The following CD72 variants were observed in gnomAD, a reference collection of about 807,000 sequenced individuals.
CD72 encodes the protein B-cell differentiation antigen CD72.
CD72 carries 28 observed loss-of-function variants against 50.7 expected under a neutral mutation model. The observed-to-expected ratio is 0.55, with a 90% confidence interval of 0.41 to 0.76. The LOEUF is 0.76. CD72 is among the 30% of genes least tolerant of loss of function. The pLI, the probability that CD72 is intolerant of heterozygous loss-of-function variation, is 0.00. For missense variants in CD72, 403 were observed against 420.6 expected (o/e 0.96, Z 0.37); for synonymous variants, 176 against 171.2 (o/e 1.03, Z -0.22).
At chr9:35,628,781 G>A (rs577631869) in intron 1 of CD72, among the ~76,000 whole-genome samples, 1 of 152,338 alleles carries the variant, frequency 6.6e-6, no homozygotes, top group East Asian at 1.9e-4. Flanking sequence ...GAGTGGGAGA[G>A]TAACTGTGTG....
At chr9:35,617,866 G>T in intron 2 of CD72, 148 bp downstream of exon 2, 1 of 684,564 alleles carries the variant, frequency 1.5e-6, no homozygotes, top group South Asian at 1.6e-5. Flanking sequence ...AGGAGGTCGA[G>T]GCTGCAGTGA....
intron 1 of CD72, among the ~76,000 whole-genome samples, chr9:35,634,140 T>C (rs1823269889): frequency 6.6e-6 from 1 of 152,198 alleles, no homozygotes; most frequent in Non-Finnish European, 1.5e-5. Context: ...TGTTGTTAAC[T>C]CTTCTTTTTT....
chr9:35,621,310 C>T (rs1823144991), upstream of CD72, among the ~76,000 whole-genome samples: 1 of 152,174 alleles, frequency 6.6e-6, no homozygotes, highest in African/African-American at 2.4e-5. Context: ...TTACGGTTGA[C>T]AAGAGGAGGG....
At chr9:35,632,680 G>A (rs2131784068) in intron 1 of CD72, among the ~76,000 whole-genome samples, 1 of 144,738 alleles carries the variant, frequency 6.9e-6, no homozygotes, top group South Asian at 2.2e-4. Flanking sequence ...GGGTTCAAAC[G>A]ATTCTCCTTC....
chr9:35,636,901 G>T (rs1478138323), intron 1 of CD72, among the ~76,000 whole-genome samples: 1 of 152,182 alleles, frequency 6.6e-6, no homozygotes, highest in Non-Finnish European at 1.5e-5. Context: ...AGCAACTGAA[G>T]ATCCACAAAA....
Position 35,618,369 on chromosome 9 carries a change from T to C in CD72, c.-66A>G, listed in dbSNP as rs1823101530. On this transcript the variant is annotated 5_prime_UTR_variant, in exon 1 of 9. Coordinates refer to ENST00000259633, the MANE Select transcript of CD72 (RefSeq NM_001782.3). The stretch of plus-strand genomic sequence containing the variant: ...CCACTGTCCTCCCTTGCCCCTCTCG[T>C]CTCTGTCCGTTTACAACTAGGCTCT... 1 of 1,605,022 alleles carries C rather than the reference T, an allele frequency of 6.2e-7. No homozygotes were observed.
chr9:35,611,848 GC>G lies in CD72; in HGVS notation c.905del (p.Ser302ThrfsTer8), dbSNP rs1387103038. Reference sequence around the variant, plus strand: ...CAGTCAACTTCCAATCCTTGTTAGAGCTGAGGCCAGTCCAATATGAATTCCC... The same window carrying G: ...CAGTCAACTTCCAATCCTTGTTAGAGTGAGGCCAGTCCAATATGAATTCCC... ...GSGNSYWTGL[S>X]SNKDWKLTDD... On this transcript the variant is annotated frameshift_variant, in exon 7 of 9. Coordinates refer to ENST00000259633, the MANE Select transcript of CD72 (RefSeq NM_001782.3). LOFTEE classifies it high-confidence loss of function. 1 of 1,612,864 alleles carries G rather than the reference GC, an allele frequency of 6.2e-7. No individual in the cohort carries two copies. Among genetic ancestry groups the G allele is most frequent in the South Asian group, 1.1e-5 (1 of 91,068 alleles).
At chr9:35,642,549 A>C (rs1823349905) in intron 1 of CD72, 1 of 152,158 alleles carries the variant, frequency 6.6e-6, no homozygotes, top group Non-Finnish European at 1.5e-5. Flanking sequence ...CATCCCTCGG[A>C]CCTGTGTAAG....
intron 1 of CD72, among the ~76,000 whole-genome samples, chr9:35,630,195 C>T (rs1021129037): frequency 3.3e-5 from 5 of 152,014 alleles, no homozygotes; most frequent in Non-Finnish European, 7.4e-5. Context: ...TGTGCCATCA[C>T]GCCCGGCTAA....
At chr9:35,639,083 T>C (rs1823316623) in intron 1 of CD72, among the ~76,000 whole-genome samples, 2 of 151,872 alleles carry the variant, frequency 1.3e-5, no homozygotes, top group African/African-American at 2.4e-5. Context: ...GGCACAAAGA[T>C]TTGACACATT....
intron 1 of CD72, among the ~76,000 whole-genome samples, chr9:35,630,413 CT>C (rs1823235067): frequency 6.6e-6 from 1 of 152,090 alleles, no homozygotes; most frequent in Non-Finnish European, 1.5e-5. Context: ...ATAGTTTTTT[CT>C]TTGCTTGTTC....
At chr9:35,615,852 C>T in intron 5 of CD72, 91 bp downstream of exon 5, 1 of 1,035,258 alleles carries the variant, frequency 9.7e-7, no homozygotes, top group Non-Finnish European at 1.4e-6. Context: ...TTCCTGAACA[C>T]CTCACAGGCC....
intron 1 of CD72, among the ~76,000 whole-genome samples, chr9:35,643,873 G>A (rs1173546821): frequency 6.6e-6 from 1 of 151,998 alleles, no homozygotes; most frequent in Non-Finnish European, 1.5e-5. Flanking sequence ...AGCTACTCCA[G>A]AGGTTGGGAG....
chr9:35,611,832 TC>T lies in CD72; in HGVS notation c.921del (p.Trp307Ter). ...YWTGLSSNKD[W>X]KLTDDTQRTR... ...GTGCGTTGTGTATCATCAGTCAACT[TC>T]CAATCCTTGTTAGAGCTGAGGCCAG... On this transcript the variant is annotated frameshift_variant, in exon 7 of 9. Coordinates refer to ENST00000259633, the MANE Select transcript of CD72 (RefSeq NM_001782.3). LOFTEE classifies it high-confidence loss of function. 1 of 1,610,460 alleles carries T rather than the reference TC, an allele frequency of 6.2e-7. No individual in the cohort carries two copies. The highest frequency in any genetic ancestry group is 8.5e-7 in the Non-Finnish European group (1 of 1,176,644).
intron 1 of CD72, among the ~76,000 whole-genome samples, chr9:35,627,253 T>G (rs560227941): frequency 1.4e-4 from 22 of 151,928 alleles, no homozygotes; most frequent in African/African-American, 5.1e-4. Flanking sequence ...CCCTTCCAAG[T>G]AGCTGGGATT....
chr9:35,610,491 C>G (rs1822959351), intron 8 of CD72, 111 bp downstream of exon 8: 1 of 475,734 alleles, frequency 2.1e-6, no homozygotes, highest in Non-Finnish European at 3.3e-6. Flanking sequence ...GAGGAACTTT[C>G]ATCCCAGGTA....
intron 1 of CD72, 42 bp downstream of exon 1, chr9:35,618,180 A>G (rs759520678): frequency 6.2e-6 from 10 of 1,606,922 alleles, no homozygotes; most frequent in Admixed American, 1.7e-5. Context: ...GTGGGGCGGG[A>G]AGTGGGGATG....
upstream of CD72, among the ~76,000 whole-genome samples, chr9:35,623,781 T>G (rs1417339644): frequency 6.6e-6 from 1 of 152,094 alleles, no homozygotes; most frequent in African/African-American, 2.4e-5. Context: ...CTGGGCATAG[T>G]GGTACATGCG....
chr9:35,621,072 A>G (rs115191238), upstream of CD72, among the ~76,000 whole-genome samples: 155 of 152,268 alleles, frequency 1.0e-3, no homozygotes, highest in African/African-American at 3.7e-3. Flanking sequence ...CAGTTTTGAC[A>G]TTCACATTAC....
Sources: gnomAD v4.1 joint callset for allele counts (sites outside exome capture counted in the v4.1 genomes callset) on GRCh38, gnomAD v4.1.1 for gene constraint, MANE v1.5 for transcripts, NCBI Gene and HGNC (gene_info 2026-07-23, HGNC 2026-07-21) for gene names.